The following FGF14 variants were observed in gnomAD, a reference collection of about 807,000 sequenced individuals.
The protein encoded by FGF14 is fibroblast growth factor 14, also known as fibroblast growth factor homologous factor 4.
Under a neutral mutation model 25.5 loss-of-function variants are expected in FGF14, and 5 were observed. The observed-to-expected ratio is 0.20, with a 90% CI of 0.10 to 0.41. The LOEUF (loss-of-function observed/expected upper bound fraction) is 0.41. Among genes scored for constraint, FGF14 ranks in the 10% least tolerant of loss-of-function variants. The pLI, the probability that FGF14 is intolerant of heterozygous loss-of-function variation, is 1.00. For missense variants in FGF14, 222 were observed against 320.1 expected, an observed-to-expected ratio of 0.69 and a Z score of 2.34; for synonymous variants, 138 against 118.3, an observed-to-expected ratio of 1.17 and a Z score of -1.08.
At chr13:102,374,982 G>A (rs1340727933) in intron 1 of FGF14, among the ~76,000 whole-genome samples, 1 of 151,880 alleles carries the variant, frequency 6.6e-6, no homozygotes, top group Non-Finnish European at 1.5e-5. Context: ...ATACACATTT[G>A]CTAAATTCTG....
chr13:102,260,508 GCT>G (rs755050379), intron 1 of FGF14, among the ~76,000 whole-genome samples: 2 of 152,218 alleles, frequency 1.3e-5, no homozygotes, highest in South Asian at 2.1e-4. Flanking sequence ...ATCGGAAATG[GCT>G]CTGTTTTGAT....
chr13:101,867,174 G>A lies in FGF14; in HGVS notation c.408+1551C>T, dbSNP rs529460237. ...AAAATGCAGGGGACTGGACTTGGCA[G>A]TTAACACATTTCTTGTTTCTATTCC... On this transcript the variant is annotated intron_variant, in intron 3 of 4. Transcript: ENST00000376143. Among the ~76,000 whole-genome samples the A allele has an allele frequency of 2.6e-5, 4 of 152,266 alleles. No individual in the cohort carries two copies. In the South Asian group the frequency reaches 6.2e-4, roughly 24 times the overall value.
intron 1 of FGF14, among the ~76,000 whole-genome samples, chr13:102,285,122 T>C (rs569562952): frequency 2.6e-5 from 4 of 152,230 alleles, no homozygotes; most frequent in Non-Finnish European, 5.9e-5. Flanking sequence ...CATCTACTTA[T>C]ACTTTCCTAA....
chr13:102,251,897 T>C (rs75970247), intron 1 of FGF14, among the ~76,000 whole-genome samples: 3,011 of 152,300 alleles, frequency 0.02, 36 homozygotes, highest in Non-Finnish European at 0.032. Context: ...ACTGATAAAT[T>C]TGAAATGAAA....
chr13:102,306,375 G>A (rs755385746), intron 1 of FGF14, among the ~76,000 whole-genome samples: 1 of 151,982 alleles, frequency 6.6e-6, no homozygotes, highest in Non-Finnish European at 1.5e-5. Context: ...GACATTGCAG[G>A]GCAGGGAAGA....
In FGF14 at chr13:101,968,258, G is replaced by A. The variant is rs142330459; in HGVS notation, c.209-92962C>T. ...TGGCTATGCCTAATTTATTAAGCAT[G>A]TCATAATAAGCCTGACAAAAAGTCT... On this transcript the variant is annotated intron_variant, in intron 1 of 4. Coordinates refer to the FGF14 transcript ENST00000376131. Among the ~76,000 whole-genome samples the A allele has an allele frequency of 5.2e-3, 785 of 152,248 alleles. 2 individuals are homozygous for A. Among genetic ancestry groups the A allele is most frequent in the Middle Eastern group, 0.01 (3 of 294 alleles).
At chr13:102,249,852 T>C (rs2052078632) in intron 1 of FGF14, among the ~76,000 whole-genome samples, 1 of 152,146 alleles carries the variant, frequency 6.6e-6, no homozygotes, top group South Asian at 2.1e-4. Context: ...GTGCAGAGCA[T>C]TTTCTTCCTC....
At chr13:102,391,223 A>G (rs1595038954) in intron 1 of FGF14, among the ~76,000 whole-genome samples, 1 of 152,344 alleles carries the variant, frequency 6.6e-6, no homozygotes, top group East Asian at 1.9e-4. Context: ...AGGGAGAAGG[A>G]GACAAAGGGA....
chr13:102,047,993 AG>A (rs749851581), intron 1 of FGF14, among the ~76,000 whole-genome samples: 2 of 151,792 alleles, frequency 1.3e-5, no homozygotes, highest in African/African-American at 2.4e-5. Context: ...AGACTTTCTA[AG>A]CCCGGTTTAT....
At chr13:102,010,121 C>T (rs1455633665) in intron 1 of FGF14, among the ~76,000 whole-genome samples, 1 of 152,128 alleles carries the variant, frequency 6.6e-6, no homozygotes, top group African/African-American at 2.4e-5. Context: ...TAGTTATTTT[C>T]ACACTCCAAA....
At chr13:102,121,408 T>G (rs2140364441) in intron 1 of FGF14, among the ~76,000 whole-genome samples, 1 of 145,702 alleles carries the variant, frequency 6.9e-6, no homozygotes, top group South Asian at 2.3e-4. Flanking sequence ...AAAATTAGTT[T>G]TTATAGTTAA....
At chr13:102,260,069 G>A (rs1268865578) in intron 1 of FGF14, among the ~76,000 whole-genome samples, 1 of 152,106 alleles carries the variant, frequency 6.6e-6, no homozygotes, top group East Asian at 1.9e-4. Flanking sequence ...GCAAGAAAGA[G>A]CGGGGAGGAG....
intron 1 of FGF14, among the ~76,000 whole-genome samples, chr13:101,971,952 T>C (rs1327273033): frequency 1.3e-5 from 2 of 152,258 alleles, no homozygotes; most frequent in African/African-American, 4.8e-5. Flanking sequence ...GCGCTTGCCA[T>C]GGAGGGATCC....
At chr13:102,096,716 G>C (rs1595260226) in intron 1 of FGF14, among the ~76,000 whole-genome samples, 1 of 152,152 alleles carries the variant, frequency 6.6e-6, no homozygotes, top group Non-Finnish European at 1.5e-5. Context: ...CAGATTTCAA[G>C]CTGCCATTAA....
rs576908560 is a variant in FGF14 at position 101,806,985 on chromosome 13, G to A, written c.408+61740C>T. ...AAAATCTCCTTATAACTTTCACTGCGGACTTCTATCCAGCATAACATAGCA... is the reference window on the plus strand; with the variant it reads ...AAAATCTCCTTATAACTTTCACTGCAGACTTCTATCCAGCATAACATAGCA... On this transcript the variant is annotated intron_variant, in intron 3 of 4. Coordinates refer to ENST00000376143, the MANE Select transcript of FGF14 (RefSeq NM_004115.4). 2.0e-3 allele frequency among the ~76,000 whole-genome samples: 303 copies of A among 151,902 alleles called. 1 individual carries two copies. Among genetic ancestry groups the A allele is most frequent in the African/African-American group, 6.8e-3 (281 of 41,438 alleles).
At chr13:102,058,136 T>G (rs2140090003) in intron 1 of FGF14, among the ~76,000 whole-genome samples, 1 of 152,330 alleles carries the variant, frequency 6.6e-6, no homozygotes, top group East Asian at 1.9e-4. Flanking sequence ...ACAGAGAAGC[T>G]AAGGCTTTGT....
intron 1 of FGF14, among the ~76,000 whole-genome samples, chr13:102,342,915 T>A (rs1331464287): frequency 6.6e-6 from 1 of 152,148 alleles, no homozygotes; most frequent in Non-Finnish European, 1.5e-5. Flanking sequence ...AATATAAGTA[T>A]TTGAGTAAGA....
chr13:101,922,272 G>T (rs573013942), intron 1 of FGF14, among the ~76,000 whole-genome samples: 23 of 152,164 alleles, frequency 1.5e-4, no homozygotes, highest in African/African-American at 5.3e-4. Context: ...ATTCTATCTG[G>T]ATTACACACA....
intron 3 of FGF14, among the ~76,000 whole-genome samples, chr13:101,748,400 C>T (rs2037034874): frequency 6.6e-6 from 1 of 151,872 alleles, no homozygotes; most frequent in Non-Finnish European, 1.5e-5. Flanking sequence ...CCAAATACCA[C>T]ATGTTCTCAC....
Sources: gnomAD v4.1 joint callset for allele counts (sites outside exome capture counted in the v4.1 genomes callset) on GRCh38, gnomAD v4.1.1 for gene constraint, MANE v1.5 for transcripts, NCBI Gene and HGNC (gene_info 2026-07-23, HGNC 2026-07-21) for gene names.